The following IL1RAPL2 variants were observed in gnomAD, a reference collection of about 807,000 sequenced individuals.
IL1RAPL2 encodes X-linked interleukin-1 receptor accessory protein-like 2.
In IL1RAPL2, 3 loss-of-function variants were observed where a neutral mutation model predicts 44.1. The ratio of observed to expected loss-of-function variants is 0.07; its 90% confidence interval spans 0.03 to 0.18. The LOEUF is 0.18. Ranked by LOEUF, IL1RAPL2 falls within the 10% of genes least tolerant of loss-of-function variation. The pLI is 1.00. For missense variants in IL1RAPL2, 391 were observed against 496.4 expected, an observed-to-expected ratio of 0.79 and a Z score of 2.02; for synonymous variants, 181 against 178.8, an observed-to-expected ratio of 1.01 and a Z score of -0.10.
At position 105,403,185 on chromosome X, in the gene IL1RAPL2, C is replaced by T. The variant is rs776446609; in HGVS notation, c.698-81128C>T. Among the ~76,000 whole-genome samples the T allele has an allele frequency of 2.3e-3, 252 of 111,474 alleles. 2 individuals are homozygous for T. Among genetic ancestry groups the T allele is most frequent in the Non-Finnish European group, 4.0e-3 (212 of 52,987 alleles). ...AGTTCTTCCAATTGGCTCTGTATTT[C>T]AAAGTACCTGTTGAACTAGGCAAAC... On this transcript the variant is annotated intron_variant, in intron 5 of 10. Transcript: ENST00000372582.
chrX:104,703,440 T>A (rs1931312039), intron 2 of IL1RAPL2, among the ~76,000 whole-genome samples: 1 of 112,051 alleles, frequency 8.9e-6, no homozygotes, highest in South Asian at 3.7e-4. Context: ...GGTAAAATAA[T>A]TTTTTATGCA....
intron 6 of IL1RAPL2, among the ~76,000 whole-genome samples, chrX:105,633,276 A>G (rs2037503128): frequency 8.9e-6 from 1 of 112,203 alleles, no homozygotes; most frequent in African/African-American, 3.2e-5. Flanking sequence ...TGAACCTATT[A>G]GAGAATGACC....
intron 6 of IL1RAPL2, among the ~76,000 whole-genome samples, chrX:105,676,393 G>T (rs967367371): frequency 9.0e-6 from 1 of 111,325 alleles, no homozygotes; most frequent in African/African-American, 3.3e-5. Context: ...TGATTGGTTA[G>T]CTGGAAGGCA....
At chrX:104,786,079 C>A (rs1025558144) in intron 2 of IL1RAPL2, among the ~76,000 whole-genome samples, 1 of 112,494 alleles carries the variant, frequency 8.9e-6, no homozygotes, top group Non-Finnish European at 1.9e-5. Context: ...CTTTTATCCA[C>A]AATCAGATGA....
intron 2 of IL1RAPL2, among the ~76,000 whole-genome samples, chrX:104,725,342 A>G (rs942038642): frequency 5.4e-5 from 6 of 111,940 alleles, no homozygotes; most frequent in Non-Finnish European, 9.4e-5. Context: ...CACAATAACC[A>G]TACGTGTACA....
Position 105,150,976 on chromosome X carries a change from G to A in IL1RAPL2, c.83-44499G>A, listed in dbSNP as rs368101130. On this transcript the variant is annotated intron_variant, in intron 2 of 10. Coordinates refer to ENST00000372582, the MANE Select transcript of IL1RAPL2 (RefSeq NM_017416.2). ...TATGCATAGCAACTATAAATCCAAG[G>A]AGATTGTTTAGGTGTCACTATTTCA... Among the ~76,000 whole-genome samples the A allele has an allele frequency of 4.5e-5, 5 of 112,224 alleles. No individual in the cohort carries two copies. The East Asian group carries it at 8.4e-4, about 19-fold the overall frequency.
At chrX:105,119,028 G>A (rs3902632) in intron 2 of IL1RAPL2, among the ~76,000 whole-genome samples, 1 of 111,683 alleles carries the variant, frequency 9.0e-6, no homozygotes, top group Non-Finnish European at 1.9e-5. Context: ...ACCAGGCTCA[G>A]TGCAGTTGTT....
chrX:105,017,239 T>C (rs938836807), intron 2 of IL1RAPL2, among the ~76,000 whole-genome samples: 1 of 110,928 alleles, frequency 9.0e-6, no homozygotes, highest in African/African-American at 3.3e-5. Context: ...TTTGTTGATC[T>C]TTAAAAAAAA....
intron 2 of IL1RAPL2, among the ~76,000 whole-genome samples, chrX:104,986,147 C>A (rs1406926033): frequency 8.9e-6 from 1 of 111,925 alleles, no homozygotes; most frequent in Non-Finnish European, 1.9e-5. Context: ...CTCTGTAGCA[C>A]TGAGGCCTCA....
chrX:105,761,211 C>G (rs952293325), intron 10 of IL1RAPL2, among the ~76,000 whole-genome samples: 1 of 94,341 alleles, frequency 1.1e-5, no homozygotes, highest in African/African-American at 4.2e-5. Context: ...GAAAAAAAAA[C>G]TCTTCCTATA....
chrX:104,915,783 A>G (rs918075875), intron 2 of IL1RAPL2, among the ~76,000 whole-genome samples: 2 of 111,909 alleles, frequency 1.8e-5, no homozygotes, highest in Non-Finnish European at 3.8e-5. Flanking sequence ...AGCTTTCTAC[A>G]TATGGCTAGC....
At chrX:104,928,165 G>C (rs1454166012) in intron 2 of IL1RAPL2, among the ~76,000 whole-genome samples, 2 of 111,615 alleles carry the variant, frequency 1.8e-5, no homozygotes, top group Admixed American at 1.9e-4. Context: ...AAACAATCCA[G>C]TGTAACTGGA....
intron 6 of IL1RAPL2, among the ~76,000 whole-genome samples, chrX:105,533,818 G>C (rs2036658334): frequency 8.9e-6 from 1 of 111,743 alleles, no homozygotes; most frequent in South Asian, 3.7e-4. Flanking sequence ...CTGTGGAATG[G>C]ATGTGCTACA....
At chrX:105,227,300 C>T (rs1017580801) in intron 3 of IL1RAPL2, among the ~76,000 whole-genome samples, 12 of 111,828 alleles carry the variant, frequency 1.1e-4, no homozygotes, top group Non-Finnish European at 1.5e-4. Context: ...TTACACCTTA[C>T]GGAAAAAATG....
At chrX:104,587,167 C>T (rs965413717) in intron 1 of IL1RAPL2, among the ~76,000 whole-genome samples, 2 of 111,789 alleles carry the variant, frequency 1.8e-5, no homozygotes. Flanking sequence ...TTGACCTTGT[C>T]CCAGTTATTA....
chrX:104,954,610 T>G (rs1372660410), intron 2 of IL1RAPL2, among the ~76,000 whole-genome samples: 1 of 112,024 alleles, frequency 8.9e-6, no homozygotes, highest in African/African-American at 3.2e-5. Context: ...GGTGCAGTCA[T>G]AGCTTACTGC....
intron 5 of IL1RAPL2, among the ~76,000 whole-genome samples, chrX:105,429,353 A>G (rs993892707): frequency 8.9e-6 from 1 of 112,153 alleles, no homozygotes; most frequent in Non-Finnish European, 1.9e-5. Context: ...GGCAGATTAA[A>G]GATACTGCAG....
chrX:105,609,137 G>GA (rs1240281971), intron 6 of IL1RAPL2, among the ~76,000 whole-genome samples: 9 of 109,811 alleles, frequency 8.2e-5, no homozygotes, highest in African/African-American at 1.3e-4. Context: ...ATTTTAGAAA[G>GA]AAAAAAAAAT....
chrX:105,102,596 GAATGTATGTTTC>G lies in IL1RAPL2; in HGVS notation c.83-92877_83-92866del, dbSNP rs763403927. Among the ~76,000 whole-genome samples the G allele has an allele frequency of 1.3e-3, 146 of 111,836 alleles. 1 individual carries two copies. Among genetic ancestry groups the G allele is most frequent in the Non-Finnish European group, 1.9e-3 (102 of 53,131 alleles). On this transcript the variant is annotated intron_variant, in intron 2 of 10. Coordinates refer to ENST00000372582, the MANE Select transcript of IL1RAPL2 (RefSeq NM_017416.2). ...AGGGCATTTGTGGCTATCTGAACAT[GAATGTATGTTTC>G]AGTCTCTTTGTGATTGAAACATAAA...
Sources: allele counts gnomAD v4.1 joint callset (sites outside exome capture counted in the v4.1 genomes callset), GRCh38; gene constraint gnomAD v4.1.1; transcripts MANE v1.5; gene names NCBI Gene and HGNC (gene_info 2026-07-23, HGNC 2026-07-21).